Variants in NOTCH2 observed in about 807,000 individuals in gnomAD.
NOTCH2 encodes notch receptor 2, also known as neurogenic locus notch homolog protein 2.
A neutral mutation model predicts 235.8 loss-of-function variants in NOTCH2; 29 were observed. That is an observed-to-expected ratio of 0.12 (90% CI 0.09 to 0.17). The LOEUF (loss-of-function observed/expected upper bound fraction) is 0.17, where lower values mean the gene tolerates loss of function less well. Among genes scored for constraint, NOTCH2 ranks in the 10% least tolerant of loss-of-function variants. The pLI is 1.00. For missense variants in NOTCH2, 2,285 were observed against 3,150.2 expected (o/e 0.73, Z 6.57); for synonymous variants, 1,086 against 1,141.5 (o/e 0.95, Z 0.98).
chr1:119,963,633 T>A lies in NOTCH2; in HGVS notation c.1856A>T (p.Asp619Val). The A allele has an allele frequency of 1.2e-6, 2 of 1,614,128 alleles. No homozygotes were observed. Among genetic ancestry groups the A allele is most frequent in the Non-Finnish European group, 1.7e-6 (2 of 1,179,980 alleles). The change falls in exon 11 of 34, where the codon GAT becomes GTT. Residue 619 changes from aspartate to valine, a missense_variant. By Grantham distance (152) the Asp-to-Val change is radical. Around this residue, in one of 6 missense-constraint regions of NOTCH2, gnomAD observed 431 missense variants for 757.8 expected, o/e 0.57. Coordinates refer to ENST00000256646, the MANE Select transcript of NOTCH2 (RefSeq NM_024408.4). ...ATTGACCAGGTCAATGCAGCGACCA[T>A]CGTTCAGGCAAGGGCTGCTGTAACA... is the stretch of plus-strand genomic sequence containing the variant. ...DECYSSPCLN[D>V]GRCIDLVNGY...
At chr1:120,016,170 TACACAC>T (rs1186259760) in intron 2 of NOTCH2, among the ~76,000 whole-genome samples, 23 of 128,742 alleles carry the variant, frequency 1.8e-4, no homozygotes, top group Non-Finnish European at 3.0e-4. Flanking sequence ...CTCACACACG[TACACAC>T]ACACATACAC....
At chr1:120,009,962 CAT>C (rs1458452587) in intron 2 of NOTCH2, among the ~76,000 whole-genome samples, 1 of 151,790 alleles carries the variant, frequency 6.6e-6, no homozygotes, top group Non-Finnish European at 1.5e-5. Context: ...GTTCCAGTCC[CAT>C]ATGTTCAGTT....
intron 19 of NOTCH2, among the ~76,000 whole-genome samples, chr1:119,938,450 AT>A (rs782393298): frequency 3.3e-5 from 5 of 152,194 alleles, no homozygotes; most frequent in Non-Finnish European, 5.9e-5. Context: ...TATTTATCCA[AT>A]TTTTGGTGAA....
At chr1:119,964,143 T>C (rs1280850425) in intron 10 of NOTCH2, among the ~76,000 whole-genome samples, 1 of 152,224 alleles carries the variant, frequency 6.6e-6, no homozygotes, top group Non-Finnish European at 1.5e-5. Flanking sequence ...TATTTATCTT[T>C]GTATTTCTTT....
intron 11 of NOTCH2, among the ~76,000 whole-genome samples, chr1:119,963,019 C>T (rs1553199200): frequency 6.6e-6 from 1 of 152,142 alleles, no homozygotes. Context: ...ACTTTAGTTA[C>T]TGTGGTGTGT....
At position 119,937,384 on chromosome 1, in the gene NOTCH2, G is replaced by T; in HGVS notation, c.3420C>A (p.Gly1140=). ...GNTHYCQCPL[G]YTGSYCEEQL... is the part of the protein sequence containing the mutation. ...GCTCCTCACAGTAGCTCCCAGTATAGCCCAGGGGGCACTGACAGTAATGCG... is the reference window on the plus strand; with the variant it reads ...GCTCCTCACAGTAGCTCCCAGTATATCCCAGGGGGCACTGACAGTAATGCG... The change falls in exon 21 of 34, where the codon GGC becomes GGA. Residue 1140 remains glycine, a synonymous_variant. Transcript: ENST00000256646. 1.2e-6 allele frequency: 2 copies of T among 1,614,150 alleles called. No homozygotes were observed. The highest frequency in any genetic ancestry group is 1.7e-6 in the Non-Finnish European group (2 of 1,180,040).
chr1:119,946,638 A>C (rs782394904), intron 17 of NOTCH2, among the ~76,000 whole-genome samples: 3 of 152,206 alleles, frequency 2.0e-5, no homozygotes, highest in African/African-American at 7.2e-5. Flanking sequence ...AAAATACAAA[A>C]AGACCTCTTA....
chr1:120,067,477 C>G (rs2862887), intron 1 of NOTCH2, among the ~76,000 whole-genome samples: 2 of 152,122 alleles, frequency 1.3e-5, no homozygotes, highest in African/African-American at 4.8e-5. Context: ...TTTCTGATAT[C>G]ATATTATTTA....
intron 22 of NOTCH2, 24 bp downstream of exon 22, chr1:119,935,448 A>G: frequency 6.2e-7 from 1 of 1,614,082 alleles, no homozygotes; most frequent in East Asian, 2.2e-5. Context: ...CCTGGATGGA[A>G]AATGGATAAG....
At chr1:120,042,512 A>C (rs1205712118) in intron 1 of NOTCH2, among the ~76,000 whole-genome samples, 1 of 129,944 alleles carries the variant, frequency 7.7e-6, no homozygotes, top group East Asian at 2.0e-4. Flanking sequence ...CCTTCCCATC[A>C]TCACCTCATC....
intron 1 of NOTCH2, chr1:120,053,993 T>TG (rs1273100076): frequency 8.8e-6 from 1 of 113,106 alleles, no homozygotes; most frequent in African/African-American, 3.6e-5. Flanking sequence ...GAGCCCAGTC[T>TG]CTCTGATTCC....
intron 4 of NOTCH2, chr1:119,994,529 T>TATATACCACAC (rs1352687791): frequency 8.9e-6 from 1 of 111,842 alleles, no homozygotes; most frequent in African/African-American, 4.3e-5. Flanking sequence ...CATATATATA[T>TATATACCACAC]ACACACACAC....
intron 24 of NOTCH2, 79 bp from the exon 25 acceptor site, chr1:119,925,889 C>A: frequency 6.6e-7 from 1 of 1,509,080 alleles, no homozygotes; most frequent in South Asian, 1.2e-5. Flanking sequence ...TCTAGAAAAC[C>A]TCCACATCTC....
intron 3 of NOTCH2, among the ~76,000 whole-genome samples, chr1:120,000,512 G>A (rs187793687): frequency 1.5e-4 from 17 of 115,434 alleles, no homozygotes; most frequent in African/African-American, 5.0e-4. Flanking sequence ...CAGCCTGGAC[G>A]ACAAAGCAAT....
intron 24 of NOTCH2, among the ~76,000 whole-genome samples, chr1:119,926,038 T>C (rs1293894211): frequency 6.6e-6 from 1 of 152,176 alleles, no homozygotes; most frequent in Non-Finnish European, 1.5e-5. Context: ...GTATAGCAAA[T>C]AGCTAAAATT....
At chr1:119,979,541 G>A (rs587653823) in intron 5 of NOTCH2, among the ~76,000 whole-genome samples, 1 of 152,162 alleles carries the variant, frequency 6.6e-6, no homozygotes, top group Admixed American at 6.5e-5. Flanking sequence ...AACCAAATGG[G>A]TCCAACATGT....
chr1:120,041,014 C>T (rs1441581154), intron 1 of NOTCH2, among the ~76,000 whole-genome samples: 1 of 123,250 alleles, frequency 8.1e-6, no homozygotes, highest in Non-Finnish European at 1.6e-5. Context: ...GCACTCCAGC[C>T]TGGGCGACAG....
chr1:119,926,509 C>T lies in NOTCH2; in HGVS notation c.3995G>A (p.Arg1332His), dbSNP rs587609362. The change falls in exon 24 of 34, where the codon CGT becomes CAT. Residue 1332 changes from arginine (R) to histidine (H), a missense_variant. Physicochemically the swap from Arg to His is conservative, Grantham distance 29. Transcript: ENST00000256646. ...ASNMPDGFIC[R>H]CPPGFSGARC... Reference sequence around the variant, plus strand: ...CAACAGGGCACTTACCGGGGGACAACGGCAAATGAAACCATCAGGCATGTT... The same window carrying T: ...CAACAGGGCACTTACCGGGGGACAATGGCAAATGAAACCATCAGGCATGTT... 4.9e-5 allele frequency: 79 copies of T among 1,601,182 alleles called. No individual in the cohort carries two copies. Among genetic ancestry groups the T allele is most frequent in the Middle Eastern group, 3.3e-4 (2 of 6,046 alleles).
chr1:119,972,758 T>C (rs1320414481), intron 5 of NOTCH2, among the ~76,000 whole-genome samples: 6 of 152,186 alleles, frequency 3.9e-5, no homozygotes, highest in Admixed American at 6.5e-5. Context: ...AATTTGCCTT[T>C]GTAAGCCAGT....
Sources: gnomAD v4.1 joint callset for allele counts (sites outside exome capture counted in the v4.1 genomes callset) on GRCh38, gnomAD v4.1.1 for gene constraint, gnomAD v4.1.1 regional missense constraint, MANE v1.5 for transcripts, NCBI Gene and HGNC (gene_info 2026-07-23, HGNC 2026-07-21) for gene names.